Variants in ZBTB16 observed in about 807,000 individuals in gnomAD.
The protein encoded by ZBTB16 is zinc finger and BTB domain containing 16.
Under a neutral mutation model 56.8 loss-of-function variants are expected in ZBTB16, and 8 were observed. That is an observed-to-expected ratio of 0.14 (90% CI 0.08 to 0.25). The LOEUF (loss-of-function observed/expected upper bound fraction) is 0.25, where lower values mean the gene tolerates loss of function less well. ZBTB16 is among the 10% of genes least tolerant of loss of function. The probability of loss-of-function intolerance (pLI) is 1.00; values close to 1 mark genes in which losing one functional copy is unlikely to be tolerated. For missense variants in ZBTB16, 625 were observed against 903.0 expected (o/e 0.69, Z 3.95); for synonymous variants, 363 against 368.5 (o/e 0.98, Z 0.17).
intron 5 of ZBTB16, among the ~76,000 whole-genome samples, chr11:114,244,027 A>G (rs933490635): frequency 1.3e-5 from 2 of 152,050 alleles, no homozygotes; most frequent in Non-Finnish European, 2.9e-5. Flanking sequence ...ACACCCATCA[A>G]TTTTCACACC....
intron 2 of ZBTB16, among the ~76,000 whole-genome samples, chr11:114,115,745 C>T (rs1293864285): frequency 6.6e-6 from 1 of 152,190 alleles, no homozygotes; most frequent in African/African-American, 2.4e-5. Context: ...TACAGAAACA[C>T]AACTGCTGTG....
intron 3 of ZBTB16, among the ~76,000 whole-genome samples, chr11:114,172,097 A>G (rs1942984070): frequency 6.6e-6 from 1 of 152,124 alleles, no homozygotes; most frequent in Non-Finnish European, 1.5e-5. Context: ...AACCTGAGAA[A>G]TCATCCCCTC....
intron 5 of ZBTB16, among the ~76,000 whole-genome samples, chr11:114,244,564 C>T (rs895130353): frequency 6.6e-6 from 1 of 152,122 alleles, no homozygotes; most frequent in African/African-American, 2.4e-5. Flanking sequence ...GTGAAGATTT[C>T]ACGCCAGGTG....
At chr11:114,073,689 G>C (rs1939436274) in intron 2 of ZBTB16, among the ~76,000 whole-genome samples, 1 of 152,198 alleles carries the variant, frequency 6.6e-6, no homozygotes, top group Non-Finnish European at 1.5e-5. Context: ...TCCAAGTTAG[G>C]TAAGAGAAAG....
intron 2 of ZBTB16, among the ~76,000 whole-genome samples, chr11:114,145,879 A>T (rs1942084477): frequency 6.6e-6 from 1 of 152,232 alleles, no homozygotes; most frequent in Admixed American, 6.5e-5. Context: ...CTCTGAGGTT[A>T]TAGTGGATGG....
rs926432952 is a variant in ZBTB16, at chr11:114,210,915, A to AT, written c.1453+23887dup. ...ATTTAACTATTCAGATGATATGTTG[A>AT]TTTTTTTTTTGTTTTGTTTTAAAGA... is the stretch of plus-strand genomic sequence containing the variant. On this transcript the variant is annotated intron_variant, in intron 4 of 6. Coordinates refer to ENST00000335953, the MANE Select transcript of ZBTB16 (RefSeq NM_006006.6). 3.4e-3 allele frequency: 636 copies of AT among 187,022 alleles called. 1 individual carries two copies. The highest frequency in any genetic ancestry group is 8.2e-3 in the African/African-American group (346 of 42,338). The allele number at this position is 187,022 out of a possible 1,614,324, so 11.6% of individuals were successfully genotyped here. A position where few individuals can be genotyped will look rare whatever the true frequency, so the allele number is the denominator to read the frequency against.
At chr11:114,069,107 A>G (rs1379574804) in intron 2 of ZBTB16, among the ~76,000 whole-genome samples, 4 of 152,050 alleles carry the variant, frequency 2.6e-5, no homozygotes, top group African/African-American at 4.8e-5. Context: ...GTTTTTGGAG[A>G]TGGAGTCTCG....
At chr11:114,133,007 C>T (rs1222249294) in intron 2 of ZBTB16, among the ~76,000 whole-genome samples, 1 of 152,150 alleles carries the variant, frequency 6.6e-6, no homozygotes, top group Non-Finnish European at 1.5e-5. Context: ...GGCTTCTTGG[C>T]TCTTCCATGC....
chr11:114,165,673 G>C (rs960787219), intron 3 of ZBTB16, among the ~76,000 whole-genome samples: 2 of 151,278 alleles, frequency 1.3e-5, no homozygotes, highest in African/African-American at 2.5e-5. Context: ...TCCCAGGAAA[G>C]GGGTCAGTGC....
chr11:114,217,161 A>C lies in ZBTB16; in HGVS notation c.1454-25006A>C, dbSNP rs620651. Among the ~76,000 whole-genome samples, 1,302 of 152,342 alleles carry C rather than the reference A, an allele frequency of 8.5e-3. 9 individuals are homozygous for C. Among genetic ancestry groups the C allele is most frequent in the Non-Finnish European group, 0.014 (953 of 68,028 alleles). On this transcript the variant is annotated intron_variant, in intron 4 of 6. Coordinates refer to ENST00000335953, the MANE Select transcript of ZBTB16 (RefSeq NM_006006.6). ...GCTCAGCTGAGATAGAACGTGGTGGATACAGTTGGAGGCATAGGCAAGCCC... is the reference window on the plus strand; with the variant it reads ...GCTCAGCTGAGATAGAACGTGGTGGCTACAGTTGGAGGCATAGGCAAGCCC...
chr11:114,074,044 C>A (rs893706265), intron 2 of ZBTB16, among the ~76,000 whole-genome samples: 3 of 152,204 alleles, frequency 2.0e-5, no homozygotes, highest in South Asian at 2.1e-4. Flanking sequence ...TGTGAAGCAG[C>A]AGTATCCTCT....
intron 2 of ZBTB16, among the ~76,000 whole-genome samples, chr11:114,147,956 A>T (rs2134923165): frequency 6.6e-6 from 1 of 152,316 alleles, no homozygotes; most frequent in Non-Finnish European, 1.5e-5. Context: ...CAAATGAAAA[A>T]CTTTTGTTCT....
intron 4 of ZBTB16, among the ~76,000 whole-genome samples, chr11:114,200,085 G>A (rs1943702154): frequency 1.4e-5 from 2 of 147,900 alleles, no homozygotes; most frequent in African/African-American, 5.0e-5. Context: ...AAGAGATCAC[G>A]CCACTGCACT....
intron 2 of ZBTB16, among the ~76,000 whole-genome samples, chr11:114,125,136 A>G (rs1941470795): frequency 6.6e-6 from 1 of 152,088 alleles, no homozygotes; most frequent in Admixed American, 6.5e-5. Context: ...AGTAACACAC[A>G]CTCATTTTAA....
rs1938945107 is a variant in ZBTB16, at chr11:114,063,012, C to A, written c.-90-199C>A. On this transcript the variant is annotated intron_variant, in intron 1 of 6. Transcript: ENST00000335953. This position sits in a 1 kb window ranked among gnomAD's most constrained non-coding sequence, Gnocchi z 6.5. ...GGCAGAACCTTCTTTTTACTCTCAG[C>A]ATCCCTGGCTTGAAAGGCAGATTTG... Among the ~76,000 whole-genome samples the A allele has an allele frequency of 6.6e-6, 1 of 152,224 alleles. No individual in the cohort carries two copies. Among genetic ancestry groups the A allele is most frequent in the South Asian group, 2.1e-4 (1 of 4,832 alleles).
intron 2 of ZBTB16, among the ~76,000 whole-genome samples, chr11:114,115,267 T>G (rs1355911464): frequency 2.0e-5 from 3 of 152,096 alleles, no homozygotes; most frequent in Non-Finnish European, 2.9e-5. Context: ...TTTAAAGTGT[T>G]TGGTCTGTTG....
At position 114,063,583 on chromosome 11, in the gene ZBTB16, A is replaced by G. The variant is rs1938971352; in HGVS notation, c.283A>G (p.Lys95Glu). 1 of 1,614,116 alleles carries G rather than the reference A, an allele frequency of 6.2e-7. No homozygotes were observed. The highest frequency in any genetic ancestry group is 8.5e-7 in the Non-Finnish European group (1 of 1,180,050). ...TGCATATACAGCCACGCTGCAAGCC[A>G]AGGCGGAGGACCTGGATGACCTGCT... The part of the protein sequence containing the change: ...EYAYTATLQA[K>E]AEDLDDLLYA... Residue 95 changes from lysine (K) to glutamate (E), a missense_variant, in exon 2 of 7, where the codon AAG becomes GAG. Transcript: ENST00000335953. This position sits in a 1 kb window ranked among gnomAD's most constrained non-coding sequence, Gnocchi z 6.5.
At chr11:114,178,887 C>G (rs930479171) in intron 3 of ZBTB16, among the ~76,000 whole-genome samples, 2 of 152,240 alleles carry the variant, frequency 1.3e-5, no homozygotes, top group African/African-American at 4.8e-5. Context: ...TGCCAGGTCA[C>G]TGGTGGGACA....
chr11:114,166,201 C>CGTGTGTGTGTGTGTGTGTGTGT, intron 3 of ZBTB16, among the ~76,000 whole-genome samples: 2 of 134,162 alleles, frequency 1.5e-5, no homozygotes, highest in South Asian at 5.3e-4. Flanking sequence ...GACTGGTCTA[C>CGTGTGTGTGTGTGTGTGTGTGT]GTGTGTGTGT....
Sources: allele counts gnomAD v4.1 joint callset (sites outside exome capture counted in the v4.1 genomes callset), GRCh38; gene constraint gnomAD v4.1.1; non-coding constraint Gnocchi (gnomAD v3.1); transcripts MANE v1.5; gene names NCBI Gene and HGNC (gene_info 2026-07-23, HGNC 2026-07-21).